The following LINC01488 variants were observed in gnomAD, a reference collection of about 807,000 sequenced individuals.
LINC01488 encodes the protein long independently transcribed non-coding RNA 1488, also known as CCND1-upstream intergenic DNA repair 1.
exon 4 of LINC01488, chr11:69,492,172 G>T (rs1857233113): frequency 6.6e-6 from 1 of 152,290 alleles, no homozygotes; most frequent in Non-Finnish European, 1.5e-5. Context: ...CCAACGAGGA[G>T]TTGGGGTAGT....
intron 1 of LINC01488, among the ~76,000 whole-genome samples, chr11:69,486,336 G>A (rs923535214): frequency 6.6e-6 from 1 of 152,190 alleles, no homozygotes; most frequent in Admixed American, 6.5e-5. Flanking sequence ...TGGGCCATCT[G>A]GGGGAGCATC....
exon 3 of LINC01488, chr11:69,491,097 C>T (rs531070221): frequency 6.6e-6 from 1 of 152,340 alleles, no homozygotes; most frequent in East Asian, 1.9e-4. Flanking sequence ...CCAAGAGCCC[C>T]CAGTTTGGTG....
At chr11:69,489,430 G>A (rs959082745) in intron 1 of LINC01488, among the ~76,000 whole-genome samples, 17 of 152,372 alleles carry the variant, frequency 1.1e-4, no homozygotes, top group African/African-American at 3.6e-4. Flanking sequence ...AGTGCAGGCC[G>A]CAGTGTCCTC....
At chr11:69,491,965 C>T (rs1857230011) in intron 3 of LINC01488, 1 of 152,830 alleles carries the variant, frequency 6.5e-6, no homozygotes, top group Non-Finnish European at 1.5e-5. Context: ...GGCAGGAGGG[C>T]ACAGAGGCCC....
At chr11:69,489,374 C>G (rs1384872076) in intron 1 of LINC01488, among the ~76,000 whole-genome samples, 3 of 152,250 alleles carry the variant, frequency 2.0e-5, no homozygotes, top group Non-Finnish European at 4.4e-5. Context: ...CTCTGAGGAC[C>G]CCTGACACAG....
At chr11:69,483,696 C>T (rs765025169) in intron 1 of LINC01488, among the ~76,000 whole-genome samples, 13 of 152,182 alleles carry the variant, frequency 8.5e-5, no homozygotes, top group African/African-American at 1.7e-4. Context: ...CAGCCCCAGC[C>T]GCACCCCATT....
chr11:69,490,157 G>A (rs1857196001), intron 1 of LINC01488, among the ~76,000 whole-genome samples: 1 of 152,206 alleles, frequency 6.6e-6, no homozygotes, highest in African/African-American at 2.4e-5. Context: ...CAGGCCCCAG[G>A]GTTGGAGTGA....
chr11:69,487,063 T>G (rs906526111), intron 1 of LINC01488, among the ~76,000 whole-genome samples: 6 of 152,206 alleles, frequency 3.9e-5, no homozygotes, highest in African/African-American at 1.2e-4. Flanking sequence ...AGCCAAGGCT[T>G]GCAAGCGCAT....
chr11:69,483,271 T>A (rs1857065687), intron 1 of LINC01488, among the ~76,000 whole-genome samples: 1 of 152,138 alleles, frequency 6.6e-6, no homozygotes, highest in African/African-American at 2.4e-5. Context: ...CTTCCCAAAC[T>A]TCTCTCTGGT....
At chr11:69,487,628 T>G (rs1485712417) in intron 1 of LINC01488, among the ~76,000 whole-genome samples, 1 of 152,112 alleles carries the variant, frequency 6.6e-6, no homozygotes, top group Non-Finnish European at 1.5e-5. Flanking sequence ...TGATTTCTTG[T>G]GGGTCGTGGA....
At chr11:69,486,627 C>T (rs1364442614) in intron 1 of LINC01488, among the ~76,000 whole-genome samples, 1 of 152,176 alleles carries the variant, frequency 6.6e-6, no homozygotes, top group African/African-American at 2.4e-5. Flanking sequence ...GAGGGAGGTG[C>T]CTTCTGCTCA....
At chr11:69,490,193 C>T (rs1422643511) in intron 1 of LINC01488, among the ~76,000 whole-genome samples, 3 of 152,226 alleles carry the variant, frequency 2.0e-5, no homozygotes, top group Non-Finnish European at 2.9e-5. Context: ...ATCCCAGGCA[C>T]ATCTGGGGCA....
chr11:69,483,254 G>A (rs1294925351), intron 1 of LINC01488, among the ~76,000 whole-genome samples: 3 of 152,112 alleles, frequency 2.0e-5, no homozygotes, highest in Admixed American at 6.5e-5. Context: ...CTGCCCCATG[G>A]ACCCCTCTTC....
intron 1 of LINC01488, among the ~76,000 whole-genome samples, chr11:69,482,894 C>CCGTA (rs1478047183): frequency 6.6e-6 from 1 of 152,136 alleles, no homozygotes; most frequent in African/African-American, 2.4e-5. Flanking sequence ...CTATGTGGGT[C>CCGTA]CGTATCCTAA....
chr11:69,492,151 A>G (rs556680464), exon 4 of LINC01488: 34 of 152,352 alleles, frequency 2.2e-4, no homozygotes, highest in African/African-American at 8.2e-4. Flanking sequence ...ACCACGATGG[A>G]AGCCAGGAGG....
At chr11:69,482,561 G>T (rs564497494) in intron 1 of LINC01488, among the ~76,000 whole-genome samples, 1 of 150,904 alleles carries the variant, frequency 6.6e-6, no homozygotes, top group South Asian at 2.1e-4. Flanking sequence ...ATGAGTAGGT[G>T]GATGGATGAG....
chr11:69,492,873 C>T (rs1033071153), exon 4 of LINC01488: 1 of 152,194 alleles, frequency 6.6e-6, no homozygotes, highest in Non-Finnish European at 1.5e-5. Context: ...ACGCATCCAC[C>T]CAGGAAGGCC....
intron 1 of LINC01488, among the ~76,000 whole-genome samples, chr11:69,490,022 A>G (rs78644621): frequency 0.15 from 23,117 of 152,086 alleles, 2,114 homozygotes; most frequent in Admixed American, 0.24. Flanking sequence ...CCCCAAGGAG[A>G]TGCTCCACCA....
At chr11:69,485,518 G>A (rs1296608444) in intron 1 of LINC01488, 6 of 152,300 alleles carry the variant, frequency 3.9e-5, no homozygotes, top group Non-Finnish European at 7.3e-5. Context: ...TCTCTTGGGG[G>A]CGTGAGCTAG....
Sources: allele counts gnomAD v4.1 joint callset (sites outside exome capture counted in the v4.1 genomes callset), GRCh38; gene constraint gnomAD v4.1.1; transcripts MANE v1.5; gene names NCBI Gene and HGNC (gene_info 2026-07-23, HGNC 2026-07-21).